KCTD10: variants seen among roughly 807,000 people sequenced by gnomAD.
The protein encoded by KCTD10 is potassium channel tetramerization domain containing 10.
KCTD10 carries 13 observed loss-of-function variants against 34.6 expected under a neutral mutation model. The ratio of observed to expected loss-of-function variants is 0.38; its 90% confidence interval spans 0.24 to 0.60. KCTD10 has a LOEUF of 0.60. Ranked by LOEUF, KCTD10 falls within the 20% of genes least tolerant of loss-of-function variation. The probability of loss-of-function intolerance (pLI) is 0.66; values close to 1 mark genes in which losing one functional copy is unlikely to be tolerated. For synonymous variants in KCTD10, 156 were observed against 168.8 expected (o/e 0.92, Z 0.59); for missense variants, 256 against 420.3 (o/e 0.61, Z 3.42).
In KCTD10 at chr12:109,451,447, C is replaced by T; in HGVS notation, c.*148G>A. On this transcript the variant is annotated 3_prime_UTR_variant, in exon 7 of 7. Transcript: ENST00000228495. The surrounding 1 kb of genome is among the most constrained non-coding windows in gnomAD (Gnocchi z 5.0). ...AAGACAATCAATTTGCCTTGTCAAG[C>T]AATACCAAAATAATCATCTGGCTTG... 1 of 740,494 alleles carries T rather than the reference C, an allele frequency of 1.4e-6. No individual in the cohort carries two copies. Among genetic ancestry groups the T allele is most frequent in the Non-Finnish European group, 2.1e-6 (1 of 468,516 alleles). The allele number at this position is 740,494 out of a possible 1,614,324, so 45.9% of individuals were successfully genotyped here.
At chr12:109,473,520 GA>G (rs1260152226) in intron 1 of KCTD10, among the ~76,000 whole-genome samples, 1 of 152,162 alleles carries the variant, frequency 6.6e-6, no homozygotes, top group Non-Finnish European at 1.5e-5. Context: ...GCATGACTAA[GA>G]GATAAAGGCA....
chr12:109,460,810 A>G lies in KCTD10; in HGVS notation c.218-5T>C. 1 of 1,613,586 alleles carries G rather than the reference A, an allele frequency of 6.2e-7. No homozygotes were observed. The highest frequency in any genetic ancestry group is 8.5e-7 in the Non-Finnish European group (1 of 1,179,616). ...AGCGGTCAATGAGGATCCAGCCTGCAGAGGGAGGAGGCAGGGGCTGGTTAC... is the reference window on the plus strand; with the variant it reads ...AGCGGTCAATGAGGATCCAGCCTGCGGAGGGAGGAGGCAGGGGCTGGTTAC... On this transcript the variant is annotated splice_polypyrimidine_tract_variant and splice_region_variant and intron_variant, in intron 2 of 6. Transcript: ENST00000228495. This position sits in a 1 kb window ranked among gnomAD's most constrained non-coding sequence, Gnocchi z 4.5.
chr12:109,474,259 C>T (rs33997929), intron 1 of KCTD10, among the ~76,000 whole-genome samples: 25,769 of 152,042 alleles, frequency 0.17, 2,240 homozygotes, highest in African/African-American at 0.18. Context: ...ATTTCATTAC[C>T]AATGAAGCTG....
Position 109,456,044 on chromosome 12 carries a change from G to A in KCTD10, c.723+74C>T, listed in dbSNP as rs1873001516. 4.4e-6 allele frequency: 6 copies of A among 1,376,282 alleles called. No individual in the cohort carries two copies. In the South Asian group the frequency reaches 7.3e-5, roughly 17 times the overall value. 85.3% of individuals were successfully genotyped at this position (1,376,282 alleles called of 1,614,324 possible). A position where few individuals can be genotyped will look rare whatever the true frequency, so the allele number is the denominator to read the frequency against. ...TTAAAAGCATTTCCCTCTGTATTGG[G>A]CTCAAGTGAAAGGAAGTTCTATAGG... On this transcript the variant is annotated intron_variant, in intron 6 of 6. Transcript: ENST00000228495.
In KCTD10 at chr12:109,468,425, C is replaced by T. The variant is rs894672908; in HGVS notation, c.217+1090G>A. Among the ~76,000 whole-genome samples the T allele has an allele frequency of 2.0e-5, 3 of 152,276 alleles. No individual in the cohort carries two copies. The South Asian group carries it at 6.2e-4, about 32-fold the overall frequency. On this transcript the variant is annotated intron_variant, in intron 2 of 6. Coordinates refer to ENST00000228495, the MANE Select transcript of KCTD10 (RefSeq NM_031954.5). ...AAAGGTAGGGCAGCAGCACAGAAGA[C>T]CAGTCTCAGAAACAGGAAGGCGGGG...
intron 6 of KCTD10, among the ~76,000 whole-genome samples, chr12:109,455,218 T>G (rs1314224006): frequency 6.6e-6 from 1 of 152,166 alleles, no homozygotes. Context: ...AGGATAGATT[T>G]TGAATGCTTA....
At chr12:109,469,363 G>GC in intron 2 of KCTD10, 152 bp downstream of exon 2, 2 of 837,520 alleles carry the variant, frequency 2.4e-6, no homozygotes, top group Non-Finnish European at 3.7e-6. Context: ...AAGTAACATA[G>GC]CAAATCAACG....
Position 109,451,801 on chromosome 12 carries a change from C to T in KCTD10, c.736G>A (p.Glu246Lys), listed in dbSNP as rs1872787865. 1 of 1,613,252 alleles carries T rather than the reference C, an allele frequency of 6.2e-7. No individual in the cohort carries two copies. The highest frequency in any genetic ancestry group is 1.7e-5 in the Admixed American group (1 of 59,916). Residue 246 changes from glutamate (E) to lysine (K), a missense_variant, in exon 7 of 7, where the codon GAA becomes AAA. Around this residue, in one of 3 missense-constraint regions of KCTD10, gnomAD observed 41 missense variants for 124.2 expected, o/e 0.33. Transcript: ENST00000228495. The surrounding 1 kb of genome is among the most constrained non-coding windows in gnomAD (Gnocchi z 5.0). ...EKKQTKVEFP[E>K]ARIYEETLNI... ...AGGGTCTCCTCATAAATCCGGGCTT[C>T]GGGAAACTCCACCTGTGTTCCCACA... is the stretch of plus-strand genomic sequence containing the variant.
At chr12:109,476,897 G>T (rs566871640) in intron 1 of KCTD10, among the ~76,000 whole-genome samples, 6 of 151,948 alleles carry the variant, frequency 3.9e-5, no homozygotes, top group Non-Finnish European at 7.4e-5. Flanking sequence ...CCAAATGTCC[G>T]TTTTCAATTG....
chr12:109,454,359 C>A (rs1029623479), intron 6 of KCTD10, among the ~76,000 whole-genome samples: 1 of 152,138 alleles, frequency 6.6e-6, no homozygotes, highest in African/African-American at 2.4e-5. Context: ...CTGACAAATA[C>A]AATAACCAAC....
intron 5 of KCTD10, 186 bp downstream of exon 5, chr12:109,457,444 T>C: frequency 1.7e-6 from 1 of 593,054 alleles, no homozygotes; most frequent in Non-Finnish European, 3.0e-6. Flanking sequence ...GAAAGATGAC[T>C]TTTATGATAT....
rs2302705 is a variant in KCTD10 at position 109,460,911 on chromosome 12, C to T, written c.218-106G>A. 0.17 allele frequency: 199,488 copies of T among 1,161,580 alleles called. 17,699 individuals carry two copies. The highest frequency in any genetic ancestry group is 0.18 in the Middle Eastern group (643 of 3,492). The allele number at this position is 1,161,580 out of a possible 1,614,324, so 72.0% of individuals were successfully genotyped here. On this transcript the variant is annotated intron_variant, in intron 2 of 6. Coordinates refer to ENST00000228495, the MANE Select transcript of KCTD10 (RefSeq NM_031954.5). This position sits in a 1 kb window ranked among gnomAD's most constrained non-coding sequence, Gnocchi z 4.5. ...GCTCCCTCTACCTCCCAGCGGAGAG[C>T]GGGACTGCCTGGAGAATGGCAGCCT...
rs772308812 is a variant in KCTD10 at position 109,469,655 on chromosome 12, C to A, written c.77G>T (p.Gly26Val). 1.9e-6 allele frequency: 3 copies of A among 1,614,096 alleles called. No homozygotes were observed. The highest frequency in any genetic ancestry group is 3.3e-5 in the Admixed American group (2 of 60,004). The change falls in exon 2 of 7, where the codon GGC (glycine) becomes GTC (valine). Residue 26 changes from glycine to valine, a missense_variant. Transcript: ENST00000228495. ...AAATRTTSFK[G>V]TSPSSKYVKL... is the part of the protein sequence containing the mutation. The stretch of plus-strand genomic sequence containing the variant: ...CACGTATTTGGAGCTGGGGCTCGTG[C>A]CCTTGAAGGAAGTGGTGCGGGTAGC...
In KCTD10 at chr12:109,450,379, A is replaced by C. The variant is rs562308838; in HGVS notation, c.*1216T>G. ...GCCGCCACCTGTGCCCCACAAGCAC[A>C]CGTCCCCACCCACAGTCACACATAT... is the stretch of plus-strand genomic sequence containing the variant. On this transcript the variant is annotated 3_prime_UTR_variant, in exon 7 of 7. Transcript: ENST00000228495. 7 of 399,056 alleles carry C rather than the reference A, an allele frequency of 1.8e-5. No individual in the cohort carries two copies. The South Asian group carries it at 8.9e-4, about 51-fold the overall frequency. 24.7% of individuals were successfully genotyped at this position (399,056 alleles called of 1,614,324 possible).
chr12:109,460,670 T>G lies in KCTD10; in HGVS notation c.353A>C (p.Gln118Pro), dbSNP rs767401463. 6.2e-7 allele frequency: 1 copy of G among 1,614,094 alleles called. No homozygotes were observed. The highest frequency in any genetic ancestry group is 1.3e-5 in the African/African-American group (1 of 75,044). The change falls in exon 3 of 7, where the codon CAA (glutamine) becomes CCA (proline). Residue 118 changes from glutamine (Q) to proline (P), a missense_variant. Physicochemically the swap from Gln to Pro is moderately conservative, Grantham distance 76. Transcript: ENST00000228495. This position sits in a 1 kb window ranked among gnomAD's most constrained non-coding sequence, Gnocchi z 4.5. ...LLAEAKYYLV[Q>P]GLVEECQAAL... ...CGCCTGGCACTCTTCCACCAGGCCT[T>G]GGACTAGGTAGTACTTGGCTTCTGC...
At chr12:109,459,246 A>G (rs1449383064) in intron 3 of KCTD10, 3 of 152,220 alleles carry the variant, frequency 2.0e-5, no homozygotes, top group Non-Finnish European at 4.4e-5. Context: ...GTGAAAAATA[A>G]AACTTCTGAG....
At chr12:109,464,541 G>A (rs1873502187) in intron 2 of KCTD10, among the ~76,000 whole-genome samples, 1 of 152,138 alleles carries the variant, frequency 6.6e-6, no homozygotes, top group Non-Finnish European at 1.5e-5. Context: ...GTTTCCAAAA[G>A]CCCCATTAAA....
chr12:109,469,596 TG>T lies in KCTD10; in HGVS notation c.135del (p.Thr46ProfsTer5). 1.2e-6 allele frequency: 2 copies of T among 1,613,998 alleles called. No homozygotes were observed. The highest frequency in any genetic ancestry group is 1.7e-6 in the Non-Finnish European group (2 of 1,179,990). ...TCCTGCTTGGTCAGCGTCTGCATGG[TG>T]GTATAGTAGAGGGCTCCACCCACAT... ...KLNVGGALYY[T>X]TMQTLTKQDT... On this transcript the variant is annotated frameshift_variant, in exon 2 of 7. Transcript: ENST00000228495. LOFTEE classifies it high-confidence loss of function.
At chr12:109,473,020 T>TCTA (rs1404105909) in intron 1 of KCTD10, among the ~76,000 whole-genome samples, 2 of 145,944 alleles carry the variant, frequency 1.4e-5, no homozygotes, top group Non-Finnish European at 3.1e-5. Flanking sequence ...CCACTGCATT[T>TCTA]CTACCACATG....
Sources: allele counts gnomAD v4.1 joint callset (sites outside exome capture counted in the v4.1 genomes callset), GRCh38; gene constraint gnomAD v4.1.1; regional missense constraint gnomAD v4.1.1; non-coding constraint Gnocchi (gnomAD v3.1); transcripts MANE v1.5; gene names NCBI Gene and HGNC (gene_info 2026-07-23, HGNC 2026-07-21).